Variants in ARHGAP20 observed in about 807,000 individuals in gnomAD.
The protein encoded by ARHGAP20 is rho GTPase-activating protein 20.
In ARHGAP20, 34 loss-of-function variants were observed where a neutral mutation model predicts 73.7. That is an observed-to-expected ratio of 0.46 (90% confidence interval 0.35 to 0.61). ARHGAP20 has a LOEUF of 0.61. Ranked by LOEUF, ARHGAP20 falls within the 20% of genes least tolerant of loss-of-function variation. The pLI, the probability that ARHGAP20 is intolerant of heterozygous loss-of-function variation, is 0.00. For missense variants in ARHGAP20, 1,314 were observed against 1,420.9 expected (o/e 0.92, Z 1.21); for synonymous variants, 523 against 518.2 (o/e 1.01, Z -0.13).
intron 9 of ARHGAP20, among the ~76,000 whole-genome samples, chr11:110,603,359 A>G (rs79164739): frequency 0.032 from 4,870 of 152,254 alleles, 265 homozygotes; most frequent in African/African-American, 0.11. Context: ...TTTGAAAGTT[A>G]GTTTTTGCTG....
At chr11:110,584,310 A>G (rs1947559007) in intron 12 of ARHGAP20, among the ~76,000 whole-genome samples, 1 of 151,884 alleles carries the variant, frequency 6.6e-6, no homozygotes, top group Non-Finnish European at 1.5e-5. Context: ...CTTATAGTAG[A>G]TTTTCTGCTG....
chr11:110,637,831 G>T (rs148532084), intron 2 of ARHGAP20, among the ~76,000 whole-genome samples: 2 of 152,116 alleles, frequency 1.3e-5, no homozygotes, highest in Admixed American at 6.6e-5. Context: ...AAGTCTAAAG[G>T]ATGAACAGAG....
intron 2 of ARHGAP20, among the ~76,000 whole-genome samples, chr11:110,644,864 T>C (rs1462215401): frequency 6.6e-6 from 1 of 151,870 alleles, no homozygotes; most frequent in Non-Finnish European, 1.5e-5. Flanking sequence ...ATCTACAGGG[T>C]GAAGGGAAAT....
Position 110,606,648 on chromosome 11 carries a change from G to T in ARHGAP20, c.877C>A (p.Pro293Thr). 6.2e-7 allele frequency: 1 copy of T among 1,611,112 alleles called. No individual in the cohort carries two copies. Among genetic ancestry groups the T allele is most frequent in the Non-Finnish European group, 8.5e-7 (1 of 1,179,210 alleles). ...DSTTPFNLQEPFLMEQLPREM... is the reference protein window; with the variant it reads ...DSTTPFNLQETFLMEQLPREM... ...CGGGGGAGCTGTTCCATAAGGAAGG[G>T]CTCCTGGAGGTTGAAAGGGGTGGTA... Residue 293 changes from proline (P) to threonine (T), a missense_variant, in exon 9 of 15, where the codon CCC (proline) becomes ACC (threonine). Pro to Thr is a conservative substitution (Grantham distance 38). Transcript: ENST00000683387.
intron 2 of ARHGAP20, among the ~76,000 whole-genome samples, chr11:110,652,358 T>C (rs1378666671): frequency 6.6e-6 from 1 of 152,082 alleles, no homozygotes; most frequent in African/African-American, 2.4e-5. Context: ...TCCAGTCCTA[T>C]TCAACATAGT....
chr11:110,671,620 T>C (rs956962727), intron 2 of ARHGAP20, among the ~76,000 whole-genome samples: 4 of 152,078 alleles, frequency 2.6e-5, no homozygotes, highest in African/African-American at 7.2e-5. Context: ...TTAAAGCTAA[T>C]AGAACTTTTT....
intron 2 of ARHGAP20, among the ~76,000 whole-genome samples, chr11:110,646,172 T>C (rs1017490753): frequency 3.3e-5 from 5 of 152,176 alleles, no homozygotes; most frequent in African/African-American, 1.2e-4. Flanking sequence ...TTATAAATAT[T>C]GTATTATACA....
At chr11:110,585,091 G>A (rs1056196355) in intron 12 of ARHGAP20, among the ~76,000 whole-genome samples, 3 of 149,846 alleles carry the variant, frequency 2.0e-5, no homozygotes, top group East Asian at 1.9e-4. Flanking sequence ...ATGAATATAT[G>A]TGAATATATG....
At chr11:110,604,684 A>G (rs326942) in intron 9 of ARHGAP20, among the ~76,000 whole-genome samples, 50,125 of 151,960 alleles carry the variant, frequency 0.33, 10,542 homozygotes, top group African/African-American at 0.6. Flanking sequence ...CCCAAGGGGA[A>G]CGAAAAATTT....
At chr11:110,599,977 G>A (rs1056542039) in intron 9 of ARHGAP20, among the ~76,000 whole-genome samples, 1 of 152,178 alleles carries the variant, frequency 6.6e-6, no homozygotes, top group Non-Finnish European at 1.5e-5. Context: ...TCTTTGCTAG[G>A]AGCTGAACAC....
intron 2 of ARHGAP20, among the ~76,000 whole-genome samples, chr11:110,658,483 A>G (rs1745191172): frequency 6.6e-6 from 1 of 152,204 alleles, no homozygotes. Context: ...ATTTAAAAGT[A>G]GCTACGAAGA....
intron 12 of ARHGAP20, among the ~76,000 whole-genome samples, chr11:110,584,339 T>C (rs1274625687): frequency 2.0e-5 from 3 of 151,778 alleles, no homozygotes. Flanking sequence ...TTGTAATTGA[T>C]AAGGGATTTG....
intron 1 of ARHGAP20, among the ~76,000 whole-genome samples, chr11:110,692,944 T>C (rs1407606558): frequency 1.3e-5 from 2 of 151,958 alleles, no homozygotes; most frequent in East Asian, 3.9e-4. Flanking sequence ...AGAACCCCCA[T>C]GAAATGGATT....
Position 110,579,246 on chromosome 11 carries a change from G to GTATT in ARHGAP20, c.*120_*123dup, listed in dbSNP as rs2134768909. 7.0e-7 allele frequency: 1 copy of GTATT among 1,423,868 alleles called. No homozygotes were observed. Among genetic ancestry groups the GTATT allele is most frequent in the East Asian group, 2.3e-5 (1 of 42,662 alleles). 88.2% of individuals were successfully genotyped at this position (1,423,868 alleles called of 1,614,324 possible). A position where few individuals can be genotyped will look rare whatever the true frequency, so the allele number is the denominator to read the frequency against. ...AAAGAGAATTATTTCGTTGTCCTAA[G>GTATT]TATTAGCAATGATAATCCTTATGCT... On this transcript the variant is annotated 3_prime_UTR_variant, in exon 15 of 15. Coordinates refer to ENST00000683387, the MANE Select transcript of ARHGAP20 (RefSeq NM_001384657.1).
intron 1 of ARHGAP20, among the ~76,000 whole-genome samples, chr11:110,691,569 C>T (rs1389311024): frequency 6.6e-6 from 1 of 152,082 alleles, no homozygotes; most frequent in Non-Finnish European, 1.5e-5. Flanking sequence ...AGCTCAGTGT[C>T]GGTATCCTAT....
chr11:110,592,875 T>C (rs1465603180), intron 9 of ARHGAP20, among the ~76,000 whole-genome samples: 1 of 152,212 alleles, frequency 6.6e-6, no homozygotes, highest in South Asian at 2.1e-4. Context: ...CTTTAAAGTA[T>C]GTTTAAGGAA....
chr11:110,616,843 C>T (rs139966651), intron 4 of ARHGAP20, among the ~76,000 whole-genome samples: 21 of 152,198 alleles, frequency 1.4e-4, no homozygotes, highest in African/African-American at 4.1e-4. Flanking sequence ...CAGATAAGAG[C>T]TTTGCTTCAG....
rs138864118 is a variant in ARHGAP20, at chr11:110,658,657, T to A, written c.189-27865A>T. ...TTACAAGGTAGAGTTTAGCCCAGGT[T>A]TACATAATGCAAATACAGTGAAACA... On this transcript the variant is annotated intron_variant, in intron 2 of 14. Coordinates refer to ENST00000683387, the MANE Select transcript of ARHGAP20 (RefSeq NM_001384657.1). Among the ~76,000 whole-genome samples the A allele has an allele frequency of 5.9e-5, 9 of 152,234 alleles. No homozygotes were observed. The East Asian group carries it at 1.7e-3, about 29-fold the overall frequency.
chr11:110,585,834 T>C (rs1947650175), intron 12 of ARHGAP20, among the ~76,000 whole-genome samples: 1 of 152,164 alleles, frequency 6.6e-6, no homozygotes, highest in African/African-American at 2.4e-5. Context: ...CTATCTACCT[T>C]ACCAGACTGA....
Sources: allele counts gnomAD v4.1 joint callset (sites outside exome capture counted in the v4.1 genomes callset), GRCh38; gene constraint gnomAD v4.1.1; transcripts MANE v1.5; gene names NCBI Gene and HGNC (gene_info 2026-07-23, HGNC 2026-07-21).